The following DTNBP1 variants were observed in gnomAD, a reference collection of about 807,000 sequenced individuals.
The protein encoded by DTNBP1 is dysbindin.
In DTNBP1, 35 loss-of-function variants were observed where a neutral mutation model predicts 42.8. That is an observed-to-expected ratio of 0.82 (90% CI 0.63 to 1.09). DTNBP1 has a LOEUF of 1.09. Among genes scored for constraint, DTNBP1 ranks in the 50% least tolerant of loss-of-function variants. The pLI is 0.00. For synonymous variants in DTNBP1, 171 were observed against 162.2 expected (o/e 1.05, Z -0.41); for missense variants, 457 against 424.2 (o/e 1.08, Z -0.68).
chr6:15,594,778 T>A (rs1328881819), intron 6 of DTNBP1, among the ~76,000 whole-genome samples: 2 of 152,034 alleles, frequency 1.3e-5, no homozygotes, highest in Non-Finnish European at 2.9e-5. Context: ...TTTTTTTCTA[T>A]GATTACAATG....
chr6:15,546,050 G>C (rs1325569935), intron 7 of DTNBP1: 1 of 440,308 alleles, frequency 2.3e-6, no homozygotes, highest in Admixed American at 2.6e-5. Context: ...GGATCGGAAG[G>C]TCACCTCCAG....
At chr6:15,604,169 G>T (rs183655155) in intron 6 of DTNBP1, among the ~76,000 whole-genome samples, 1 of 152,188 alleles carries the variant, frequency 6.6e-6, no homozygotes, top group Non-Finnish European at 1.5e-5. Flanking sequence ...CCAAAATCCA[G>T]TGTCTTAAAA....
At position 15,523,042 on chromosome 6, in the gene DTNBP1, G is replaced by T; in HGVS notation, c.989C>A (p.Thr330Asn). The T allele has an allele frequency of 6.2e-7, 1 of 1,614,228 alleles. No individual in the cohort carries two copies. The highest frequency in any genetic ancestry group is 8.5e-7 in the Non-Finnish European group (1 of 1,180,046). Reference protein sequence around the residue: ...QSDEEEVQVDTALATSHTDRE... With the variant: ...QSDEEEVQVDNALATSHTDRE... ...GTCAGTGTGTGATGTGGCCAGGGCAGTGTCCACCTGAACTTCCTCCTCATC... is the reference window on the plus strand; with the variant it reads ...GTCAGTGTGTGATGTGGCCAGGGCATTGTCCACCTGAACTTCCTCCTCATC... Residue 330 changes from threonine (T) to asparagine (N), a missense_variant, in exon 10 of 10, where the codon ACT becomes AAT. Physicochemically the swap from Thr to Asn is moderately conservative, Grantham distance 65. Transcript: ENST00000344537.
At chr6:15,638,467 T>C (rs1760152095) in intron 3 of DTNBP1, among the ~76,000 whole-genome samples, 1 of 152,158 alleles carries the variant, frequency 6.6e-6, no homozygotes, top group East Asian at 1.9e-4. Context: ...CTCCAATTGG[T>C]AAACACAATA....
At chr6:15,642,108 A>G (rs907098312) in intron 3 of DTNBP1, among the ~76,000 whole-genome samples, 28 of 152,074 alleles carry the variant, frequency 1.8e-4, no homozygotes, top group Admixed American at 1.6e-3. Flanking sequence ...AGCTTTCAGG[A>G]AGGGTAGGGC....
intron 6 of DTNBP1, among the ~76,000 whole-genome samples, chr6:15,605,415 C>T (rs1352570107): frequency 6.6e-6 from 1 of 152,246 alleles, no homozygotes; most frequent in East Asian, 1.9e-4. Context: ...CATATGACTG[C>T]CATCTTACTC....
chr6:15,532,703 T>TC (rs1772938299), intron 8 of DTNBP1, among the ~76,000 whole-genome samples: 2 of 140,434 alleles, frequency 1.4e-5, no homozygotes, highest in Admixed American at 1.4e-4. Context: ...TAATCTTTTT[T>TC]TTTTTTTTTT....
chr6:15,530,575 G>C (rs1394086117), intron 8 of DTNBP1, among the ~76,000 whole-genome samples: 1 of 152,134 alleles, frequency 6.6e-6, no homozygotes, highest in African/African-American at 2.4e-5. Flanking sequence ...TGGAGCAACT[G>C]CAGTACGTGC....
chr6:15,657,167 G>A (rs1761333465), intron 1 of DTNBP1, among the ~76,000 whole-genome samples: 1 of 152,152 alleles, frequency 6.6e-6, no homozygotes, highest in Non-Finnish European at 1.5e-5. Flanking sequence ...ACATCCTAAT[G>A]CCTTTATCCT....
chr6:15,551,828 G>A (rs571441726), intron 7 of DTNBP1, among the ~76,000 whole-genome samples: 4 of 152,326 alleles, frequency 2.6e-5, no homozygotes, highest in South Asian at 2.1e-4. Flanking sequence ...CACAGTAAAC[G>A]CCAGATATCA....
intron 6 of DTNBP1, 82 bp from the exon 7 acceptor site, chr6:15,593,163 A>T: frequency 7.7e-7 from 1 of 1,290,868 alleles, no homozygotes; most frequent in Admixed American, 2.4e-5. Flanking sequence ...CATAATAAAA[A>T]CTTATGTACT....
intron 7 of DTNBP1, 62 bp from the exon 8 acceptor site, chr6:15,533,457 A>G: frequency 6.2e-7 from 1 of 1,613,294 alleles, no homozygotes; most frequent in Non-Finnish European, 8.5e-7. Context: ...AAATGGGTAT[A>G]AACAGCTGCT....
chr6:15,646,606 T>G (rs1760694145), intron 3 of DTNBP1, among the ~76,000 whole-genome samples: 1 of 152,040 alleles, frequency 6.6e-6, no homozygotes, highest in Non-Finnish European at 1.5e-5. Context: ...TCACATTACC[T>G]GACTTCAAAC....
At chr6:15,524,815 A>G in intron 8 of DTNBP1, 146 bp from the exon 9 acceptor site, 1 of 1,267,058 alleles carries the variant, frequency 7.9e-7, no homozygotes, top group East Asian at 2.5e-5. Context: ...TAGATGACAT[A>G]TGCCAGTCTG....
At chr6:15,606,096 C>T (rs1758035146) in intron 6 of DTNBP1, among the ~76,000 whole-genome samples, 1 of 152,330 alleles carries the variant, frequency 6.6e-6, no homozygotes, top group African/African-American at 2.4e-5. Flanking sequence ...TGGATTAAAC[C>T]GTCTATTCAA....
intron 7 of DTNBP1, among the ~76,000 whole-genome samples, chr6:15,564,465 TG>T (rs1561961954): frequency 6.6e-6 from 1 of 152,162 alleles, no homozygotes; most frequent in Non-Finnish European, 1.5e-5. Context: ...TAAAGTACAG[TG>T]GCACAATCTC....
intron 6 of DTNBP1, among the ~76,000 whole-genome samples, chr6:15,593,664 A>G (rs772630988): frequency 2.0e-4 from 30 of 152,238 alleles, no homozygotes; most frequent in Non-Finnish European, 3.4e-4. Flanking sequence ...GCCAAAACAC[A>G]AAGTTTCCTG....
At chr6:15,575,980 T>C (rs1015021872) in intron 7 of DTNBP1, among the ~76,000 whole-genome samples, 2 of 152,180 alleles carry the variant, frequency 1.3e-5, no homozygotes, top group African/African-American at 4.8e-5. Flanking sequence ...GAGACACAAG[T>C]ATGGCCCTCG....
At position 15,648,165 on chromosome 6, in the gene DTNBP1, G is replaced by A. The variant is rs192791964; in HGVS notation, c.161+3148C>T. On this transcript the variant is annotated intron_variant, in intron 3 of 9. Transcript: ENST00000344537. ...GTAGAACGAAAGGAAAAAACACATGGTCATCCTAATTCATGGAGAAAAGTT... is the reference window on the plus strand; with the variant it reads ...GTAGAACGAAAGGAAAAAACACATGATCATCCTAATTCATGGAGAAAAGTT... Among the ~76,000 whole-genome samples the A allele has an allele frequency of 3.3e-5, 5 of 152,030 alleles. No homozygotes were observed. In the East Asian group the frequency reaches 9.7e-4, roughly 29 times the overall value.
Sources: allele counts gnomAD v4.1 joint callset (sites outside exome capture counted in the v4.1 genomes callset), GRCh38; gene constraint gnomAD v4.1.1; transcripts MANE v1.5; gene names NCBI Gene and HGNC (gene_info 2026-07-23, HGNC 2026-07-21).